Variants in BRINP3 observed in about 807,000 individuals in gnomAD.
BRINP3 encodes BMP/retinoic acid-inducible neural-specific protein 3.
A neutral mutation model predicts 71.0 loss-of-function variants in BRINP3; 19 were observed. The observed-to-expected ratio is 0.27, with a 90% confidence interval of 0.19 to 0.39. The LOEUF (loss-of-function observed/expected upper bound fraction) is 0.39, where lower values mean the gene tolerates loss of function less well. BRINP3 is among the 10% of genes least tolerant of loss of function. The pLI is 1.00. For synonymous variants in BRINP3, 380 were observed against 337.7 expected (o/e 1.13, Z -1.37); for missense variants, 959 against 940.8 (o/e 1.02, Z -0.25).
intron 6 of BRINP3, among the ~76,000 whole-genome samples, chr1:190,214,831 T>C (rs1299953712): frequency 2.6e-5 from 4 of 151,946 alleles, no homozygotes; most frequent in African/African-American, 4.8e-5. Flanking sequence ...CAGGATTACC[T>C]AGCCTGTCCT....
chr1:190,456,909 C>T (rs938214865), intron 1 of BRINP3, among the ~76,000 whole-genome samples: 10 of 152,082 alleles, frequency 6.6e-5, no homozygotes, highest in Non-Finnish European at 1.5e-4. Flanking sequence ...ACTTCAGTCA[C>T]ACCATCTAAA....
chr1:190,131,015 A>G (rs930266728), intron 7 of BRINP3, among the ~76,000 whole-genome samples: 1 of 151,872 alleles, frequency 6.6e-6, no homozygotes, highest in Admixed American at 6.6e-5. Context: ...GTGGAAAAGC[A>G]AATCCATATT....
At chr1:190,431,924 A>G (rs1674124089) in intron 2 of BRINP3, among the ~76,000 whole-genome samples, 1 of 152,196 alleles carries the variant, frequency 6.6e-6, no homozygotes, top group African/African-American at 2.4e-5. Context: ...AATAATTCAT[A>G]AGAAAAAATT....
At chr1:190,414,984 T>C (rs189648371) in intron 2 of BRINP3, among the ~76,000 whole-genome samples, 3 of 152,368 alleles carry the variant, frequency 2.0e-5, no homozygotes, top group East Asian at 1.9e-4. Context: ...CACTATAGAC[T>C]ATAAATAGAT....
intron 2 of BRINP3, among the ~76,000 whole-genome samples, chr1:190,312,951 C>T (rs1157449860): frequency 6.6e-6 from 1 of 151,772 alleles, no homozygotes; most frequent in Non-Finnish European, 1.5e-5. Context: ...TTTAAACATG[C>T]ATTTCAAATT....
Position 190,360,937 on chromosome 1 carries a change from C to T in BRINP3, c.237-79187G>A, listed in dbSNP as rs964801716. Among the ~76,000 whole-genome samples, 5 of 152,128 alleles carry T rather than the reference C, an allele frequency of 3.3e-5. 1 individual carries two copies. The highest frequency in any genetic ancestry group is 1.2e-4 in the African/African-American group (5 of 41,448). On this transcript the variant is annotated intron_variant, in intron 2 of 7. Transcript: ENST00000367462. ...GGGGCATCAATAAAGACATATCTAACTCTGGAAGAGTAGTCAGGGAAAGTG... is the reference window on the plus strand; with the variant it reads ...GGGGCATCAATAAAGACATATCTAATTCTGGAAGAGTAGTCAGGGAAAGTG...
intron 2 of BRINP3, among the ~76,000 whole-genome samples, chr1:190,426,175 C>T (rs764522442): frequency 2.6e-5 from 4 of 151,646 alleles, no homozygotes; most frequent in African/African-American, 7.3e-5. Context: ...AGTATAATTT[C>T]GAGGATTGTT....
chr1:190,441,461 A>G (rs752065331), intron 2 of BRINP3, among the ~76,000 whole-genome samples: 1 of 152,072 alleles, frequency 6.6e-6, no homozygotes, highest in South Asian at 2.1e-4. Context: ...GAATTTAGCA[A>G]TTTCCATAAA....
chr1:190,364,461 C>T (rs892888011), intron 2 of BRINP3, among the ~76,000 whole-genome samples: 17 of 151,924 alleles, frequency 1.1e-4, no homozygotes, highest in Non-Finnish European at 2.1e-4. Context: ...CAATAAACAA[C>T]GTGGAGCCCA....
intron 2 of BRINP3, among the ~76,000 whole-genome samples, chr1:190,418,822 A>T (rs1025377934): frequency 6.6e-6 from 1 of 152,138 alleles, no homozygotes; most frequent in Admixed American, 6.6e-5. Context: ...ACCCAGCTAT[A>T]ATTTAAAAAA....
At chr1:190,445,402 T>C (rs1675144147) in intron 2 of BRINP3, among the ~76,000 whole-genome samples, 1 of 152,162 alleles carries the variant, frequency 6.6e-6, no homozygotes, top group Non-Finnish European at 1.5e-5. Flanking sequence ...TTAAAAAATA[T>C]TGTCAGCATT....
At chr1:190,384,899 C>T (rs1025705074) in intron 2 of BRINP3, among the ~76,000 whole-genome samples, 1 of 151,688 alleles carries the variant, frequency 6.6e-6, no homozygotes, top group African/African-American at 2.4e-5. Context: ...GAACAGAGCC[C>T]TCAGAAATAA....
chr1:190,427,628 G>A (rs945478319), intron 2 of BRINP3, among the ~76,000 whole-genome samples: 2 of 151,894 alleles, frequency 1.3e-5, no homozygotes, highest in African/African-American at 2.4e-5. Flanking sequence ...TAAAAATGAG[G>A]GTTTGGGTAG....
At chr1:190,313,752 G>T (rs919447648) in intron 2 of BRINP3, among the ~76,000 whole-genome samples, 1 of 151,902 alleles carries the variant, frequency 6.6e-6, no homozygotes, top group Non-Finnish European at 1.5e-5. Context: ...AAGGTTTAAA[G>T]AAATAAATGA....
At chr1:190,359,109 A>T (rs1034775221) in intron 2 of BRINP3, among the ~76,000 whole-genome samples, 2 of 152,274 alleles carry the variant, frequency 1.3e-5, no homozygotes, top group Non-Finnish European at 2.9e-5. Context: ...ATGTATACAT[A>T]TGTAACAAAC....
chr1:190,366,637 C>A (rs549281230), intron 2 of BRINP3, among the ~76,000 whole-genome samples: 1 of 152,220 alleles, frequency 6.6e-6, no homozygotes, highest in Admixed American at 6.5e-5. Context: ...TGAGACAAGG[C>A]AAGTTCTTTC....
chr1:190,245,136 G>A (rs547216552), intron 4 of BRINP3, among the ~76,000 whole-genome samples: 1 of 151,686 alleles, frequency 6.6e-6, no homozygotes, highest in East Asian at 1.9e-4. Context: ...CGAGAGAACT[G>A]ATAAAGCGCA....
intron 7 of BRINP3, among the ~76,000 whole-genome samples, chr1:190,100,203 C>T (rs1184676803): frequency 6.6e-6 from 1 of 152,142 alleles, no homozygotes; most frequent in African/African-American, 2.4e-5. Flanking sequence ...ACAGTAGATA[C>T]ACAACAATTC....
intron 3 of BRINP3, among the ~76,000 whole-genome samples, chr1:190,277,119 T>TATATATATATATATATATATATATATA (rs1401150849): frequency 3.7e-5 from 1 of 26,958 alleles, no homozygotes; most frequent in Admixed American, 4.8e-4. Flanking sequence ...ATATATATAT[T>TATATATATATATATATATATATATATA]TATATTCAGA....
Sources: gnomAD v4.1 joint callset for allele counts (sites outside exome capture counted in the v4.1 genomes callset) on GRCh38, gnomAD v4.1.1 for gene constraint, MANE v1.5 for transcripts, NCBI Gene and HGNC (gene_info 2026-07-23, HGNC 2026-07-21) for gene names.